KALRN: variants seen among roughly 807,000 people sequenced by gnomAD.
The protein encoded by KALRN is kalirin.
In KALRN, 70 loss-of-function variants were observed where a neutral mutation model predicts 353.7. The observed-to-expected ratio is 0.20, with a 90% CI of 0.16 to 0.24. The LOEUF is 0.24. Among genes scored for constraint, KALRN ranks in the 10% least tolerant of loss-of-function variants. The probability of loss-of-function intolerance (pLI) is 1.00; values close to 1 mark genes in which losing one functional copy is unlikely to be tolerated. For synonymous variants in KALRN, 1,391 were observed against 1,434.8 expected (o/e 0.97, Z 0.69); for missense variants, 2,791 against 3,756.7 (o/e 0.74, Z 6.72).
intron 34 of KALRN, among the ~76,000 whole-genome samples, chr3:124,573,273 A>G (rs1385256436): frequency 6.6e-6 from 1 of 152,188 alleles, no homozygotes; most frequent in Non-Finnish European, 1.5e-5. Flanking sequence ...TAAAAATTCT[A>G]ACTTTAAAAA....
intron 1 of KALRN, among the ~76,000 whole-genome samples, chr3:124,136,081 C>T (rs75765684): frequency 0.015 from 2,215 of 152,224 alleles, 26 homozygotes; most frequent in South Asian, 0.041. Flanking sequence ...GACTTCCCCA[C>T]ACCTAGAAAT....
At chr3:124,213,726 T>G (rs922351456) in intron 1 of KALRN, among the ~76,000 whole-genome samples, 2 of 152,190 alleles carry the variant, frequency 1.3e-5, no homozygotes, top group African/African-American at 4.8e-5. Context: ...TTTGCATACA[T>G]GGAAAATTAT....
chr3:124,557,366 T>C (rs2071399684), intron 33 of KALRN, among the ~76,000 whole-genome samples: 1 of 152,228 alleles, frequency 6.6e-6, no homozygotes, highest in African/African-American at 2.4e-5. Context: ...ACTTGTGTGG[T>C]GCATCTCATC....
intron 1 of KALRN, among the ~76,000 whole-genome samples, chr3:124,205,320 C>A (rs2076319689): frequency 6.6e-6 from 1 of 152,196 alleles, no homozygotes; most frequent in Non-Finnish European, 1.5e-5. Context: ...GGCTCTAGCA[C>A]ACCACCAGGT....
chr3:124,283,741 C>T (rs979879593), intron 5 of KALRN, among the ~76,000 whole-genome samples: 5 of 152,138 alleles, frequency 3.3e-5, no homozygotes, highest in Admixed American at 2.0e-4. Context: ...AGGGCAAGTG[C>T]GAGGAGAGTG....
intron 1 of KALRN, among the ~76,000 whole-genome samples, chr3:124,214,258 A>T (rs1263392713): frequency 1.3e-5 from 2 of 152,062 alleles, no homozygotes; most frequent in African/African-American, 2.4e-5. Context: ...ATACCGGAAA[A>T]TTTCCCAAGG....
chr3:124,232,853 A>G (rs529376247), intron 2 of KALRN, among the ~76,000 whole-genome samples: 1 of 152,178 alleles, frequency 6.6e-6, no homozygotes, highest in South Asian at 2.1e-4. Context: ...TAGGAAGTGG[A>G]ACCAAGTTTC....
chr3:124,423,789 T>A (rs963723929), intron 15 of KALRN, among the ~76,000 whole-genome samples: 2 of 152,202 alleles, frequency 1.3e-5, no homozygotes, highest in African/African-American at 4.8e-5. Context: ...AAGGATCACT[T>A]GAGTCCAGGA....
At chr3:124,623,481 C>T (rs759268028) in intron 34 of KALRN, among the ~76,000 whole-genome samples, 8 of 151,508 alleles carry the variant, frequency 5.3e-5, no homozygotes, top group African/African-American at 1.9e-4. Context: ...AGGTTGTCTA[C>T]AAGCTGAGAA....
At chr3:124,402,638 G>A (rs565633140) in intron 13 of KALRN, among the ~76,000 whole-genome samples, 2 of 152,204 alleles carry the variant, frequency 1.3e-5, no homozygotes, top group Admixed American at 1.3e-4. Flanking sequence ...TTTTGATTGT[G>A]TGCCTTCTCA....
intron 49 of KALRN, among the ~76,000 whole-genome samples, chr3:124,676,374 C>G (rs1162771912): frequency 2.6e-5 from 4 of 152,234 alleles, no homozygotes; most frequent in Admixed American, 2.6e-4. Flanking sequence ...CACACCCTCC[C>G]CAAGGCCTGC....
At chr3:124,552,676 G>A (rs1654736720) in intron 33 of KALRN, among the ~76,000 whole-genome samples, 1 of 152,112 alleles carries the variant, frequency 6.6e-6, no homozygotes, top group African/African-American at 2.4e-5. Flanking sequence ...TGAACCGTGG[G>A]TTTGGGAATA....
At chr3:124,438,639 C>T (rs940026244) in intron 17 of KALRN, among the ~76,000 whole-genome samples, 5 of 149,392 alleles carry the variant, frequency 3.3e-5, no homozygotes, top group African/African-American at 7.7e-5. Flanking sequence ...CTTACTTTAC[C>T]TACTATTCCT....
At chr3:124,572,351 A>C (rs923925889) in intron 34 of KALRN, among the ~76,000 whole-genome samples, 2 of 152,070 alleles carry the variant, frequency 1.3e-5, no homozygotes, top group Non-Finnish European at 2.9e-5. Flanking sequence ...CAAAAAACAA[A>C]AAAAAAAACA....
At chr3:124,343,284 G>C (rs113428126) in intron 9 of KALRN, among the ~76,000 whole-genome samples, 7,950 of 152,036 alleles carry the variant, frequency 0.052, 670 homozygotes, top group African/African-American at 0.18. Flanking sequence ...CAGCCTCTTG[G>C]GTAGCTGGGA....
intron 38 of KALRN, among the ~76,000 whole-genome samples, chr3:124,652,246 G>T (rs761108999): frequency 5.9e-5 from 9 of 152,210 alleles, no homozygotes; most frequent in Non-Finnish European, 7.3e-5. Flanking sequence ...ACATCACAGT[G>T]AAGGCCTGGT....
intron 33 of KALRN, among the ~76,000 whole-genome samples, chr3:124,527,387 A>G (rs1410222388): frequency 1.3e-5 from 2 of 152,120 alleles, no homozygotes; most frequent in East Asian, 3.9e-4. Flanking sequence ...AGGCAGGAGG[A>G]TCATGAGGCC....
intron 34 of KALRN, 112 bp downstream of exon 34, chr3:124,563,201 C>A: frequency 8.5e-7 from 1 of 1,173,592 alleles, no homozygotes; most frequent in Non-Finnish European, 1.1e-6. Flanking sequence ...CATTTTTACC[C>A]TGTGGGGTTT....
At chr3:124,044,847 CTCCCTCCCTCCCTCCT>C (rs1559863312) in intron 1 of KALRN, among the ~76,000 whole-genome samples, 24 of 72,532 alleles carry the variant, frequency 3.3e-4, no homozygotes, top group Non-Finnish European at 3.6e-4. Context: ...CCCTCCCTCC[CTCCCTCCCTCCCTCCT>C]TCCTTCCTTC....
Sources: gnomAD v4.1 joint callset for allele counts (sites outside exome capture counted in the v4.1 genomes callset) on GRCh38, gnomAD v4.1.1 for gene constraint, MANE v1.5 for transcripts, NCBI Gene and HGNC (gene_info 2026-07-23, HGNC 2026-07-21) for gene names.